The following ARFGEF3 variants were observed in gnomAD, a reference collection of about 807,000 sequenced individuals.
The protein encoded by ARFGEF3 is brefeldin A-inhibited guanine nucleotide-exchange protein 3.
ARFGEF3 carries 96 observed loss-of-function variants against 221.7 expected under a neutral mutation model. That is an observed-to-expected ratio of 0.43 (90% CI 0.37 to 0.51). ARFGEF3 has a LOEUF of 0.51. ARFGEF3 is among the 20% of genes least tolerant of loss of function. The pLI, the probability that ARFGEF3 is intolerant of heterozygous loss-of-function variation, is 0.00. For missense variants in ARFGEF3, 2,410 were observed against 2,789.9 expected, an observed-to-expected ratio of 0.86 and a Z score of 3.07; for synonymous variants, 1,145 against 1,126.8, an observed-to-expected ratio of 1.02 and a Z score of -0.32.
intron 17 of ARFGEF3, among the ~76,000 whole-genome samples, chr6:138,288,213 G>C (rs55646462): frequency 3.3e-5 from 5 of 151,712 alleles, no homozygotes; most frequent in African/African-American, 4.8e-5. Flanking sequence ...GCAAAACCCT[G>C]TCTCTACTAA....
At chr6:138,261,961 A>T (rs542087250) in intron 11 of ARFGEF3, among the ~76,000 whole-genome samples, 5 of 152,174 alleles carry the variant, frequency 3.3e-5, no homozygotes, top group African/African-American at 1.2e-4. Flanking sequence ...AAAACTGAAT[A>T]TTATAGGGCT....
At chr6:138,236,092 A>G (rs1052317005) in intron 5 of ARFGEF3, among the ~76,000 whole-genome samples, 6 of 152,216 alleles carry the variant, frequency 3.9e-5, no homozygotes, top group Non-Finnish European at 2.9e-5. Context: ...CCAGTTCCTC[A>G]TGCATGCACT....
At chr6:138,283,000 G>C (rs1020456266) in intron 14 of ARFGEF3, among the ~76,000 whole-genome samples, 1 of 152,060 alleles carries the variant, frequency 6.6e-6, no homozygotes, top group African/African-American at 2.4e-5. Flanking sequence ...GCAGTGAGCT[G>C]AGATCGCGTC....
At chr6:138,216,086 C>G (rs1023457151) in intron 4 of ARFGEF3, 1 of 151,378 alleles carries the variant, frequency 6.6e-6, no homozygotes, top group African/African-American at 2.4e-5. Context: ...TCAAGCAATT[C>G]TCCGCCTCAG....
intron 10 of ARFGEF3, among the ~76,000 whole-genome samples, chr6:138,260,373 G>A (rs1222695957): frequency 6.6e-6 from 1 of 152,162 alleles, no homozygotes; most frequent in Admixed American, 6.5e-5. Flanking sequence ...ATGGACATAC[G>A]CTAGGACGTC....
Position 138,333,418 on chromosome 6 carries a change from A to G in ARFGEF3, c.5124-552A>G, listed in dbSNP as rs539669053. ...ATCTTGACAACTATTAATTTGGCATAATAACTTATATTCTATAGCTTTGGG... is the reference window on the plus strand; with the variant it reads ...ATCTTGACAACTATTAATTTGGCATGATAACTTATATTCTATAGCTTTGGG... On this transcript the variant is annotated intron_variant, in intron 32 of 33. Coordinates refer to ENST00000251691, the MANE Select transcript of ARFGEF3 (RefSeq NM_020340.5). Among the ~76,000 whole-genome samples the G allele has an allele frequency of 1.2e-4, 19 of 152,192 alleles. No homozygotes were observed. The East Asian group carries it at 3.7e-3, about 29-fold the overall frequency.
In ARFGEF3 at chr6:138,286,647, A is replaced by G. The variant is rs1562379806; in HGVS notation, c.2570-54A>G. 3 of 1,450,358 alleles carry G rather than the reference A, an allele frequency of 2.1e-6. No homozygotes were observed. The African/African-American group carries it at 4.2e-5, about 20-fold the overall frequency. 89.8% of individuals were successfully genotyped at this position (1,450,358 alleles called of 1,614,324 possible). ...ATAGCAAGAGAATGTGATGTCATTC[A>G]TTGCCAGGTTGTTTTTGTCTCTAGA... is the stretch of plus-strand genomic sequence containing the variant. On this transcript the variant is annotated intron_variant, in intron 15 of 33. Coordinates refer to ENST00000251691, the MANE Select transcript of ARFGEF3 (RefSeq NM_020340.5).
chr6:138,318,242 A>G (rs892353685), intron 27 of ARFGEF3, among the ~76,000 whole-genome samples: 1 of 152,222 alleles, frequency 6.6e-6, no homozygotes, highest in African/African-American at 2.4e-5. Context: ...ATTGCAAACC[A>G]CTATTTCTAA....
chr6:138,176,181 A>T (rs1205427596), intron 2 of ARFGEF3, among the ~76,000 whole-genome samples: 4 of 136,954 alleles, frequency 2.9e-5, no homozygotes, highest in Admixed American at 7.4e-5. Context: ...TGGTAGTTGG[A>T]TTTTTTTTTT....
intron 30 of ARFGEF3, 41 bp from the exon 31 acceptor site, chr6:138,323,982 A>T: frequency 6.2e-7 from 1 of 1,602,422 alleles, no homozygotes; most frequent in South Asian, 1.1e-5. Context: ...CCGGCCCATG[A>T]ACCAGGATGC....
chr6:138,302,798 T>C (rs1356271420), intron 22 of ARFGEF3, among the ~76,000 whole-genome samples: 3 of 152,216 alleles, frequency 2.0e-5, no homozygotes. Context: ...GAGAAATTAC[T>C]CTTCAAAAAT....
chr6:138,218,112 A>G lies in ARFGEF3; in HGVS notation c.351+8071A>G, dbSNP rs760499429. On this transcript the variant is annotated intron_variant, in intron 4 of 33. Transcript: ENST00000251691. Reference sequence around the variant, plus strand: ...TTCTGAAGATAATGAGGAACATTTCATTGAGGAACCTTTCATGGTCAAGTG... The same window carrying G: ...TTCTGAAGATAATGAGGAACATTTCGTTGAGGAACCTTTCATGGTCAAGTG... 6 of 1,613,994 alleles carry G rather than the reference A, an allele frequency of 3.7e-6. No homozygotes were observed. In the African/African-American group the frequency reaches 5.3e-5, roughly 14 times the overall value.
chr6:138,181,932 G>C (rs1208910143), intron 2 of ARFGEF3, among the ~76,000 whole-genome samples: 1 of 152,156 alleles, frequency 6.6e-6, no homozygotes, highest in African/African-American at 2.4e-5. Context: ...GATGGATAGG[G>C]ACCCGAGCTC....
intron 2 of ARFGEF3, among the ~76,000 whole-genome samples, chr6:138,201,045 C>A (rs1317177622): frequency 1.3e-5 from 2 of 152,102 alleles, no homozygotes; most frequent in Non-Finnish European, 2.9e-5. Context: ...AGAAGACATA[C>A]AAATGGCCGA....
intron 2 of ARFGEF3, among the ~76,000 whole-genome samples, chr6:138,197,878 T>G (rs967710061): frequency 3.3e-5 from 5 of 152,148 alleles, no homozygotes; most frequent in Non-Finnish European, 5.9e-5. Context: ...TACTCTAGAG[T>G]TATTGTATTA....
At chr6:138,244,679 A>AT (rs1778453177) in intron 7 of ARFGEF3, among the ~76,000 whole-genome samples, 1 of 152,212 alleles carries the variant, frequency 6.6e-6, no homozygotes, top group Admixed American at 6.5e-5. Flanking sequence ...TGCCCTGCAG[A>AT]TACTCAACAA....
At chr6:138,265,119 G>A (rs1422276377) in intron 12 of ARFGEF3, among the ~76,000 whole-genome samples, 3 of 152,078 alleles carry the variant, frequency 2.0e-5, no homozygotes, top group Non-Finnish European at 4.4e-5. Flanking sequence ...TAGCCAGGAT[G>A]GTCTCGATCT....
chr6:138,180,911 G>T (rs576997593), intron 2 of ARFGEF3, among the ~76,000 whole-genome samples: 1 of 152,198 alleles, frequency 6.6e-6, no homozygotes, highest in East Asian at 1.9e-4. Flanking sequence ...AGAAATCAAG[G>T]TGCTCTGAAG....
intron 3 of ARFGEF3, among the ~76,000 whole-genome samples, chr6:138,209,691 GC>G (rs1187804258): frequency 1.3e-5 from 2 of 151,992 alleles, no homozygotes; most frequent in East Asian, 3.9e-4. Flanking sequence ...CTCATGACCC[GC>G]CCACCTCAGC....
Sources: gnomAD v4.1 joint callset for allele counts (sites outside exome capture counted in the v4.1 genomes callset) on GRCh38, gnomAD v4.1.1 for gene constraint, MANE v1.5 for transcripts, NCBI Gene and HGNC (gene_info 2026-07-23, HGNC 2026-07-21) for gene names.